ENOX1: variants seen among roughly 807,000 people sequenced by gnomAD.
ENOX1 encodes the protein ecto-NOX disulfide-thiol exchanger 1.
ENOX1 carries 42 observed loss-of-function variants against 82.5 expected under a neutral mutation model. The ratio of observed to expected loss-of-function variants is 0.51; its 90% CI spans 0.40 to 0.66. The LOEUF is 0.66. Among genes scored for constraint, ENOX1 ranks in the 30% least tolerant of loss-of-function variants. ENOX1 has a pLI of 0.00. For missense variants in ENOX1, 608 were observed against 811.6 expected, an observed-to-expected ratio of 0.75 and a Z score of 3.05; for synonymous variants, 271 against 282.2, an observed-to-expected ratio of 0.96 and a Z score of 0.40.
At chr13:43,729,335 G>C (rs1290531496) in intron 1 of ENOX1, among the ~76,000 whole-genome samples, 1 of 152,120 alleles carries the variant, frequency 6.6e-6, no homozygotes, top group East Asian at 1.9e-4. Flanking sequence ...ATTGGCATTT[G>C]TGATAATTCA....
intron 2 of ENOX1, among the ~76,000 whole-genome samples, chr13:43,533,877 C>T (rs1226806373): frequency 6.6e-6 from 1 of 152,060 alleles, no homozygotes; most frequent in African/African-American, 2.4e-5. Context: ...CGTTTGAGCA[C>T]CCATTTTTTA....
intron 1 of ENOX1, among the ~76,000 whole-genome samples, chr13:43,676,436 C>G (rs1431887780): frequency 6.6e-6 from 1 of 152,104 alleles, no homozygotes; most frequent in Admixed American, 6.5e-5. Context: ...TTTCATCTAC[C>G]AGGCTCTCCC....
At position 43,214,080 on chromosome 13, in the gene ENOX1, T is replaced by C. The variant is rs2041329584; in HGVS notation, c.1842A>G (p.Pro614=). 1 of 1,613,624 alleles carries C rather than the reference T, an allele frequency of 6.2e-7. No homozygotes were observed. The highest frequency in any genetic ancestry group is 8.5e-7 in the Non-Finnish European group (1 of 1,179,800). The change falls in exon 17 of 17, where the codon CCA becomes CCG. Residue 614 remains proline, a synonymous_variant. Transcript: ENST00000690772. ...NEIEMLLMRL[P]RMFKQEFTGV... ...CCGTGAATTCCTGTTTGAACATGCGTGGCAGCCTCATCAAAAGCATTTCTA... is the reference window on the plus strand; with the variant it reads ...CCGTGAATTCCTGTTTGAACATGCGCGGCAGCCTCATCAAAAGCATTTCTA...
chr13:43,484,257 T>C, intron 2 of ENOX1, 105 bp from the exon 3 acceptor site: 6 of 654,844 alleles, frequency 9.2e-6, no homozygotes, highest in Non-Finnish European at 9.5e-6. Context: ...ATGTTATTAA[T>C]TTCTATTATC....
intron 1 of ENOX1, among the ~76,000 whole-genome samples, chr13:43,712,709 C>T (rs1454365733): frequency 6.6e-6 from 1 of 152,100 alleles, no homozygotes. Context: ...CATGATTTGG[C>T]TCTCTGTTTG....
At chr13:43,719,302 TACACACACACACAC>T (rs3024232) in intron 1 of ENOX1, among the ~76,000 whole-genome samples, 276 of 126,788 alleles carry the variant, frequency 2.2e-3, no homozygotes, top group African/African-American at 6.7e-3. Context: ...TTCATTCAAA[TACACACACACACAC>T]ACACACACAC....
intron 2 of ENOX1, among the ~76,000 whole-genome samples, chr13:43,667,147 A>G (rs2085020703): frequency 6.6e-6 from 1 of 152,204 alleles, no homozygotes; most frequent in Non-Finnish European, 1.5e-5. Flanking sequence ...GTATTTACAT[A>G]AGTGTTGAAA....
At position 43,777,736 on chromosome 13, in the gene ENOX1, G is replaced by A. The variant is rs530747288; in HGVS notation, c.-285+8916C>T. The stretch of plus-strand genomic sequence containing the variant: ...TTTTTTTTTTTGTATTTTTAGTAGA[G>A]ACGGGGTTTCACCACGTTGGTCTGG... On this transcript the variant is annotated intron_variant, in intron 1 of 16. Transcript: ENST00000690772. Among the ~76,000 whole-genome samples, 420 of 151,614 alleles carry A rather than the reference G, an allele frequency of 2.8e-3. 1 individual carries two copies. The highest frequency in any genetic ancestry group is 9.7e-3 in the African/African-American group (402 of 41,314).
chr13:43,499,481 G>C (rs1047739749), intron 2 of ENOX1, among the ~76,000 whole-genome samples: 1 of 151,924 alleles, frequency 6.6e-6, no homozygotes, highest in Non-Finnish European at 1.5e-5. Context: ...ACAATACAAA[G>C]ACCCTGGACA....
chr13:43,292,763 T>A (rs188058298), intron 12 of ENOX1, among the ~76,000 whole-genome samples: 46 of 150,910 alleles, frequency 3.0e-4, no homozygotes, highest in African/African-American at 1.0e-3. Flanking sequence ...ATAGCCACCG[T>A]TGCCACTATG....
In ENOX1 at chr13:43,714,825, G is replaced by A. The variant is rs531904488; in HGVS notation, c.-284-47281C>T. On this transcript the variant is annotated intron_variant, in intron 1 of 16. Transcript: ENST00000690772. ...ATGTGTGTCTCTGCAAGTGAGATGC[G>A]TTTCCTGAATAGCACACTGATGGGT... Among the ~76,000 whole-genome samples, 22 of 152,200 alleles carry A rather than the reference G, an allele frequency of 1.4e-4. No individual in the cohort carries two copies. In the South Asian group the frequency reaches 3.3e-3, roughly 23 times the overall value.
At chr13:43,468,736 T>A (rs1249421880) in intron 3 of ENOX1, among the ~76,000 whole-genome samples, 1 of 152,210 alleles carries the variant, frequency 6.6e-6, no homozygotes, top group Admixed American at 6.5e-5. Context: ...TTAAGCTTTC[T>A]ATGATTATGG....
At chr13:43,647,287 T>C (rs2153773524) in intron 2 of ENOX1, among the ~76,000 whole-genome samples, 1 of 152,340 alleles carries the variant, frequency 6.6e-6, no homozygotes, top group Non-Finnish European at 1.5e-5. Flanking sequence ...GCTTCTATTG[T>C]AGGATTATTA....
chr13:43,731,318 A>T (rs2029695), intron 1 of ENOX1, among the ~76,000 whole-genome samples: 2 of 152,170 alleles, frequency 1.3e-5, no homozygotes, highest in African/African-American at 4.8e-5. Flanking sequence ...CACATAGAGT[A>T]TTTTCTGGAC....
chr13:43,287,173 G>A (rs1217632165), intron 12 of ENOX1, among the ~76,000 whole-genome samples: 2 of 152,160 alleles, frequency 1.3e-5, no homozygotes, highest in Middle Eastern at 3.2e-3. Context: ...TGTGAGGACC[G>A]CATAAAATAA....
chr13:43,606,317 CA>C (rs1185884310), intron 2 of ENOX1, among the ~76,000 whole-genome samples: 1 of 152,048 alleles, frequency 6.6e-6, no homozygotes, highest in Non-Finnish European at 1.5e-5. Flanking sequence ...GTTATATACC[CA>C]AAAGAAAGGA....
chr13:43,412,796 G>A, intron 4 of ENOX1, 49 bp downstream of exon 4: 1 of 1,607,946 alleles, frequency 6.2e-7, no homozygotes. Flanking sequence ...TTTCCACTAA[G>A]AACTCAAAAA....
Position 43,236,653 on chromosome 13 carries a change from T to A in ENOX1, c.1697A>T (p.Lys566Ile). The change falls in exon 15 of 17, where the codon AAA (lysine) becomes ATA (isoleucine). Residue 566 changes from lysine to isoleucine, a missense_variant. Coordinates refer to ENST00000690772, the MANE Select transcript of ENOX1 (RefSeq NM_001347969.2). The part of the protein sequence containing the change: ...EKRSQGLKSE[K>I]EALLIGIIST... ...TTCCTTACCTATTAGCAGAGCTTCT[T>A]TCTCTGATTTTAAGCCTTGGCTTCT... 6.3e-7 allele frequency: 1 copy of A among 1,581,304 alleles called. No individual in the cohort carries two copies. The highest frequency in any genetic ancestry group is 8.5e-7 in the Non-Finnish European group (1 of 1,170,844).
chr13:43,528,399 T>G (rs2078072296), intron 2 of ENOX1, among the ~76,000 whole-genome samples: 1 of 152,092 alleles, frequency 6.6e-6, no homozygotes, highest in Admixed American at 6.6e-5. Flanking sequence ...ACTTTTTAAA[T>G]AGTAATATAT....
Sources: gnomAD v4.1 joint callset for allele counts (sites outside exome capture counted in the v4.1 genomes callset) on GRCh38, gnomAD v4.1.1 for gene constraint, MANE v1.5 for transcripts, NCBI Gene and HGNC (gene_info 2026-07-23, HGNC 2026-07-21) for gene names.